Variants in IL1RAPL1 observed in about 807,000 individuals in gnomAD.
The protein encoded by IL1RAPL1 is interleukin-1 receptor accessory protein-like 1.
IL1RAPL1 carries 3 observed loss-of-function variants against 48.4 expected under a neutral mutation model. That is an observed-to-expected ratio of 0.06 (90% CI 0.03 to 0.16). IL1RAPL1 has a LOEUF of 0.16. IL1RAPL1 is among the 10% of genes least tolerant of loss of function. IL1RAPL1 has a pLI of 1.00. For missense variants in IL1RAPL1, 349 were observed against 530.6 expected, an observed-to-expected ratio of 0.66 and a Z score of 3.36; for synonymous variants, 185 against 187.7, an observed-to-expected ratio of 0.99 and a Z score of 0.12.
intron 1 of IL1RAPL1, among the ~76,000 whole-genome samples, chrX:28,648,066 A>T (rs959906477): frequency 9.0e-6 from 1 of 111,260 alleles, no homozygotes; most frequent in East Asian, 2.8e-4. Context: ...CTTACTCTCC[A>T]CATTCCAGCC....
chrX:28,975,093 C>G (rs1317484987), intron 2 of IL1RAPL1, among the ~76,000 whole-genome samples: 2 of 111,970 alleles, frequency 1.8e-5, no homozygotes, highest in African/African-American at 6.5e-5. Context: ...ATTTTTAATA[C>G]AAAGTCATCT....
chrX:29,064,706 C>A (rs1008764945), intron 2 of IL1RAPL1, among the ~76,000 whole-genome samples: 3 of 110,885 alleles, frequency 2.7e-5, no homozygotes, highest in Non-Finnish European at 5.7e-5. Flanking sequence ...CTCAGCCTCC[C>A]GAGTAGCTGG....
chrX:29,770,865 T>C (rs1015435884), intron 6 of IL1RAPL1, among the ~76,000 whole-genome samples: 5 of 112,047 alleles, frequency 4.5e-5, no homozygotes, highest in East Asian at 2.8e-4. Flanking sequence ...ATCTAAAGGG[T>C]GTTTTGATTG....
At chrX:29,924,600 A>G (rs1021715895) in intron 8 of IL1RAPL1, among the ~76,000 whole-genome samples, 1 of 112,082 alleles carries the variant, frequency 8.9e-6, no homozygotes, top group Non-Finnish European at 1.9e-5. Flanking sequence ...TGTGCTTCCT[A>G]GTGAATGTTT....
intron 2 of IL1RAPL1, among the ~76,000 whole-genome samples, chrX:29,101,960 T>C (rs1189727150): frequency 2.7e-5 from 3 of 111,203 alleles, no homozygotes; most frequent in African/African-American, 6.5e-5. Flanking sequence ...TTAAAAAATA[T>C]CATTTATCAT....
At chrX:29,800,927 G>A (rs1320007596) in intron 6 of IL1RAPL1, among the ~76,000 whole-genome samples, 1 of 97,400 alleles carries the variant, frequency 1.0e-5, no homozygotes, top group Non-Finnish European at 2.1e-5. Context: ...TTGAACCTGG[G>A]AGGCGGAGGT....
intron 2 of IL1RAPL1, among the ~76,000 whole-genome samples, chrX:29,247,618 C>G (rs1407624582): frequency 2.7e-5 from 3 of 110,135 alleles, no homozygotes; most frequent in Non-Finnish European, 5.7e-5. Flanking sequence ...CCTGTCTCTA[C>G]TAAAATTACA....
At chrX:29,446,787 C>T (rs1934617263) in intron 5 of IL1RAPL1, among the ~76,000 whole-genome samples, 1 of 111,172 alleles carries the variant, frequency 9.0e-6, no homozygotes, top group Non-Finnish European at 1.9e-5. Flanking sequence ...AGAAATAATG[C>T]CCAGTATAAT....
intron 2 of IL1RAPL1, among the ~76,000 whole-genome samples, chrX:29,225,843 G>C (rs1005975380): frequency 9.0e-6 from 1 of 111,599 alleles, no homozygotes. Flanking sequence ...GGTTGTAGAA[G>C]GTTTACATCT....
At chrX:29,829,068 C>G (rs1346471015) in intron 6 of IL1RAPL1, among the ~76,000 whole-genome samples, 1 of 107,978 alleles carries the variant, frequency 9.3e-6, no homozygotes, top group Non-Finnish European at 1.9e-5. Flanking sequence ...GGGCAAATGG[C>G]CAAATATTTT....
chrX:29,883,526 G>A (rs764616949), intron 6 of IL1RAPL1, among the ~76,000 whole-genome samples: 2 of 112,040 alleles, frequency 1.8e-5, no homozygotes, highest in African/African-American at 6.5e-5. Flanking sequence ...ATCCTTTTCT[G>A]TTCTGACGTA....
intron 6 of IL1RAPL1, among the ~76,000 whole-genome samples, chrX:29,846,764 A>G (rs1447950226): frequency 1.1e-5 from 1 of 90,022 alleles, no homozygotes; most frequent in Non-Finnish European, 2.1e-5. Flanking sequence ...ATATATATAT[A>G]TATACATATA....
chrX:29,899,823 C>T (rs955202474), intron 6 of IL1RAPL1, among the ~76,000 whole-genome samples: 1 of 111,531 alleles, frequency 9.0e-6, no homozygotes, highest in Non-Finnish European at 1.9e-5. Context: ...GGATTACAGG[C>T]GTGAGCCACC....
chrX:29,848,471 A>G, intron 6 of IL1RAPL1, among the ~76,000 whole-genome samples: 1 of 111,103 alleles, frequency 9.0e-6, no homozygotes, highest in Non-Finnish European at 1.9e-5. Flanking sequence ...TTTCATTCCA[A>G]AAGCAGTAGT....
intron 5 of IL1RAPL1, among the ~76,000 whole-genome samples, chrX:29,534,925 T>C (rs1569333061): frequency 1.9e-5 from 2 of 107,041 alleles, no homozygotes; most frequent in Admixed American, 1.0e-4. Context: ...GCCGAGATTG[T>C]GCCACTGCAC....
chrX:29,801,382 G>A (rs949382910), intron 6 of IL1RAPL1, among the ~76,000 whole-genome samples: 16 of 111,503 alleles, frequency 1.4e-4, no homozygotes, highest in Non-Finnish European at 2.8e-4. Flanking sequence ...AGCAATGCCT[G>A]GACACCTGTT....
At chrX:28,788,031 A>G (rs1396817456) in intron 1 of IL1RAPL1, among the ~76,000 whole-genome samples, 1 of 111,615 alleles carries the variant, frequency 9.0e-6, no homozygotes, top group Non-Finnish European at 1.9e-5. Flanking sequence ...GTCAGAGGGT[A>G]CAAACTTGCA....
At chrX:29,304,145 A>G (rs1009420345) in intron 3 of IL1RAPL1, among the ~76,000 whole-genome samples, 1 of 110,839 alleles carries the variant, frequency 9.0e-6, no homozygotes, top group Non-Finnish European at 1.9e-5. Flanking sequence ...TGTACTAATT[A>G]TCTTATGGAA....
chrX:29,314,016 C>A (rs1018870405), intron 3 of IL1RAPL1, among the ~76,000 whole-genome samples: 2 of 112,143 alleles, frequency 1.8e-5, no homozygotes, highest in Non-Finnish European at 3.8e-5. Flanking sequence ...AGGATAGTTA[C>A]ACGAACCCAG....
Sources: allele counts gnomAD v4.1 joint callset (sites outside exome capture counted in the v4.1 genomes callset), GRCh38; gene constraint gnomAD v4.1.1; transcripts MANE v1.5; gene names NCBI Gene and HGNC (gene_info 2026-07-23, HGNC 2026-07-21).